Variants in ZFP1 observed in about 807,000 individuals in gnomAD.
ZFP1 encodes zinc finger protein 1 homolog.
ZFP1 carries 32 observed loss-of-function variants against 38.5 expected under a neutral mutation model. The ratio of observed to expected loss-of-function variants is 0.83; its 90% CI spans 0.63 to 1.12. The LOEUF (loss-of-function observed/expected upper bound fraction) is 1.12, where lower values mean the gene tolerates loss of function less well. ZFP1 is among the 50% of genes most tolerant of loss of function. The pLI is 0.00. For synonymous variants in ZFP1, 245 were observed against 168.8 expected, an observed-to-expected ratio of 1.45 and a Z score of -3.50; for missense variants, 616 against 480.8, an observed-to-expected ratio of 1.28 and a Z score of -2.63.
rs2038475217 is a variant in ZFP1, at chr16:75,172,210, T to C, written c.*1876T>C. The C allele has an allele frequency of 6.6e-6, 1 of 152,228 alleles. No individual in the cohort carries two copies. Among genetic ancestry groups the C allele is most frequent in the South Asian group, 2.1e-4 (1 of 4,824 alleles). 9.4% of individuals were successfully genotyped at this position (152,228 alleles called of 1,614,324 possible). On this transcript the variant is annotated 3_prime_UTR_variant, in exon 4 of 4. Transcript: ENST00000570010. ...GTGTATGTGTGTGTGTAGCAGTTTT[T>C]ATAAAATAAAGATAAACCCTTATAT...
chr16:75,167,691 C>A (rs1300610840), intron 3 of ZFP1, among the ~76,000 whole-genome samples: 1 of 152,162 alleles, frequency 6.6e-6, no homozygotes, highest in Non-Finnish European at 1.5e-5. Context: ...CGTCCACCTC[C>A]TGAGCTCAAG....
At chr16:75,161,760 A>ATATATATATATATATATATG (rs1445520831) in intron 2 of ZFP1, among the ~76,000 whole-genome samples, 3 of 9,202 alleles carry the variant, frequency 3.3e-4, no homozygotes, top group Non-Finnish European at 6.3e-4. Context: ...TTTATGAAAT[A>ATATATATATATATATATATG]TATATATATA....
chr16:75,122,228 G>T, the ZFP1 span, among the ~76,000 whole-genome samples: 1 of 152,176 alleles, frequency 6.6e-6, no homozygotes, highest in African/African-American at 2.4e-5. Context: ...CTGCTGTGTC[G>T]TTCCCCTATT....
intron 2 of ZFP1, among the ~76,000 whole-genome samples, chr16:75,154,944 C>T (rs1017018285): frequency 4.1e-4 from 63 of 151,834 alleles, no homozygotes; most frequent in African/African-American, 8.0e-4. Flanking sequence ...ATTACAGGTG[C>T]GCACCACCAT....
intron 3 of ZFP1, among the ~76,000 whole-genome samples, chr16:75,168,839 G>T (rs2038249949): frequency 6.6e-6 from 1 of 152,154 alleles, no homozygotes; most frequent in African/African-American, 2.4e-5. Flanking sequence ...GTCGAGATCT[G>T]CTTAGGTGTT....
rs536567135 is a variant in ZFP1, at chr16:75,171,430, T to C, written c.*1096T>C. The C allele has an allele frequency of 6.6e-6, 1 of 152,244 alleles. No individual in the cohort carries two copies. The highest frequency in any genetic ancestry group is 6.5e-5 in the Admixed American group (1 of 15,280). 9.4% of individuals were successfully genotyped at this position (152,244 alleles called of 1,614,324 possible). On this transcript the variant is annotated 3_prime_UTR_variant, in exon 4 of 4. Coordinates refer to ENST00000570010, the MANE Select transcript of ZFP1 (RefSeq NM_153688.4). ...ACTATTTTGTTGTTTAAAGGAGGCA[T>C]TTCTACTTCCTTGAGTTTTGCTGTT...
the ZFP1 span, among the ~76,000 whole-genome samples, chr16:75,135,856 C>T: frequency 2.0e-5 from 3 of 152,090 alleles, no homozygotes; most frequent in African/African-American, 4.8e-5. Flanking sequence ...ACTTTGTCAC[C>T]CAGGCTGGAG....
At chr16:75,135,488 T>A in the ZFP1 span, among the ~76,000 whole-genome samples, 13 of 152,192 alleles carry the variant, frequency 8.5e-5, no homozygotes, top group African/African-American at 3.1e-4. Context: ...GATTAGCTGG[T>A]AACAGTGGCT....
chr16:75,131,657 G>T, the ZFP1 span, among the ~76,000 whole-genome samples: 14 of 151,922 alleles, frequency 9.2e-5, no homozygotes, highest in African/African-American at 3.4e-4. Flanking sequence ...TGCTTACCTG[G>T]ATTGTCTCAA....
the ZFP1 span, among the ~76,000 whole-genome samples, chr16:75,139,698 A>T: frequency 6.6e-6 from 1 of 152,126 alleles, no homozygotes; most frequent in Admixed American, 6.6e-5. Flanking sequence ...CTTTGTTTAC[A>T]TGGAGGCCTT....
intron 1 of ZFP1, among the ~76,000 whole-genome samples, chr16:75,150,288 A>C (rs2037128376): frequency 6.7e-6 from 1 of 149,144 alleles, no homozygotes; most frequent in Non-Finnish European, 1.5e-5. Flanking sequence ...GGCTCACTGC[A>C]AGCTCCGCCT....
At chr16:75,132,895 G>C in the ZFP1 span, among the ~76,000 whole-genome samples, 1 of 151,510 alleles carries the variant, frequency 6.6e-6, no homozygotes. Context: ...CCTGACCTCA[G>C]GTGATCCATC....
At chr16:75,123,047 G>A in the ZFP1 span, among the ~76,000 whole-genome samples, 1 of 152,004 alleles carries the variant, frequency 6.6e-6, no homozygotes, top group South Asian at 2.1e-4. Flanking sequence ...TATTATTTGG[G>A]TATTTTCCAA....
the ZFP1 span, among the ~76,000 whole-genome samples, chr16:75,140,773 CG>C: frequency 6.6e-6 from 1 of 152,176 alleles, no homozygotes; most frequent in Non-Finnish European, 1.5e-5. Flanking sequence ...TCCTGGCTAA[CG>C]CGGTGAAACC....
chr16:75,150,375 A>ATTTTTT (rs879642238), intron 1 of ZFP1, among the ~76,000 whole-genome samples: 1 of 43,488 alleles, frequency 2.3e-5, no homozygotes, highest in African/African-American at 5.2e-5. Flanking sequence ...CACCTGGCTA[A>ATTTTTT]TTTTTTTATT....
At position 75,169,594 on chromosome 16, in the gene ZFP1, G is replaced by A. The variant is rs745661003; in HGVS notation, c.484G>A (p.Gly162Arg). The A allele has an allele frequency of 2.5e-6, 4 of 1,595,032 alleles. No individual in the cohort carries two copies. Among genetic ancestry groups the A allele is most frequent in the South Asian group, 1.1e-5 (1 of 87,394 alleles). ...AGAATATTCTGAATACAATAAAAGT[G>A]GAAAAGCCCTCAGCCATAAAGCAGC... is the stretch of plus-strand genomic sequence containing the variant. ...GVEYSEYNKSGKALSHKAAIF... is the reference protein window; with the variant it reads ...GVEYSEYNKSRKALSHKAAIF... Residue 162 changes from glycine (G) to arginine (R), a missense_variant, in exon 4 of 4, where the codon GGA (glycine) becomes AGA (arginine). Physicochemically the swap from Gly to Arg is moderately radical, Grantham distance 125. Coordinates refer to ENST00000570010, the MANE Select transcript of ZFP1 (RefSeq NM_153688.4).
At chr16:75,150,470 C>T (rs1045436651) in intron 1 of ZFP1, among the ~76,000 whole-genome samples, 1 of 151,844 alleles carries the variant, frequency 6.6e-6, no homozygotes, top group Admixed American at 6.6e-5. Flanking sequence ...CCACCTGCCT[C>T]GGCCTTGCAA....
At chr16:75,151,020 G>C (rs1022699085) in intron 1 of ZFP1, among the ~76,000 whole-genome samples, 5 of 151,946 alleles carry the variant, frequency 3.3e-5, no homozygotes, top group African/African-American at 9.7e-5. Context: ...ACCACACTCA[G>C]CTAATTTTCT....
At chr16:75,169,161 C>T in intron 3 of ZFP1, 92 bp from the exon 4 acceptor site, 4 of 1,442,526 alleles carry the variant, frequency 2.8e-6, no homozygotes, top group Non-Finnish European at 2.8e-6. Context: ...AAGAGTCAGC[C>T]CTGTGATAGA....
Sources: allele counts gnomAD v4.1 joint callset (sites outside exome capture counted in the v4.1 genomes callset), GRCh38; gene constraint gnomAD v4.1.1; transcripts MANE v1.5; gene names NCBI Gene and HGNC (gene_info 2026-07-23, HGNC 2026-07-21).